TMPRSS7: variants seen among roughly 807,000 people sequenced by gnomAD.
TMPRSS7 encodes transmembrane serine protease 7.
A neutral mutation model predicts 95.6 loss-of-function variants in TMPRSS7; 81 were observed. That is an observed-to-expected ratio of 0.85 (90% CI 0.71 to 1.02). The LOEUF (loss-of-function observed/expected upper bound fraction) is 1.02. Ranked by LOEUF, TMPRSS7 falls within the 50% of genes least tolerant of loss-of-function variation. The pLI, the probability that TMPRSS7 is intolerant of heterozygous loss-of-function variation, is 0.00. For missense variants in TMPRSS7, 945 were observed against 955.2 expected, an observed-to-expected ratio of 0.99 and a Z score of 0.14; for synonymous variants, 364 against 337.8, an observed-to-expected ratio of 1.08 and a Z score of -0.85.
intron 15 of TMPRSS7, among the ~76,000 whole-genome samples, chr3:112,076,628 C>T (rs6765246): frequency 0.03 from 4,549 of 152,226 alleles, 188 homozygotes; most frequent in African/African-American, 0.088. Flanking sequence ...GCTTAGGACA[C>T]TGTTGAGTGA....
intron 13 of TMPRSS7, 123 bp from the exon 14 acceptor site, chr3:112,074,173 C>T (rs1006734796): frequency 3.1e-6 from 2 of 653,508 alleles, no homozygotes; most frequent in African/African-American, 3.7e-5. Flanking sequence ...TATCCCAGAG[C>T]AGCAAATACC....
chr3:112,066,717 A>G (rs192947612), intron 13 of TMPRSS7, among the ~76,000 whole-genome samples: 40 of 152,058 alleles, frequency 2.6e-4, no homozygotes, highest in Non-Finnish European at 1.5e-5. Context: ...ATGGAGTGGA[A>G]TGTGTGTATG....
chr3:112,063,445 C>A, intron 11 of TMPRSS7, 80 bp from the exon 12 acceptor site: 1 of 1,089,760 alleles, frequency 9.2e-7, no homozygotes, highest in Non-Finnish European at 1.4e-6. Flanking sequence ...CCACTTCACA[C>A]TTTAAATTTG....
chr3:112,054,729 C>CTTTTTTTTTTTTTTTTTTTTTTTT lies in TMPRSS7; in HGVS notation c.1204-2290_1204-2267dup, dbSNP rs1161735611. The stretch of plus-strand genomic sequence containing the variant: ...AACATATTTACTATCTCTCAGTTTG[C>CTTTTTTTTTTTTTTTTTTTTTTTT]TTTTTTTTTTTTTTTTTTTTTTTTT... On this transcript the variant is annotated intron_variant, in intron 9 of 17. Coordinates refer to ENST00000452346, the Ensembl canonical transcript of TMPRSS7. Among the ~76,000 whole-genome samples the CTTTTTTTTTTTTTTTTTTTTTTTT allele has an allele frequency of 7.8e-4, 38 of 49,024 alleles. 15 individuals carry two copies. The highest frequency in any genetic ancestry group is 1.2e-3 in the African/African-American group (15 of 13,018). 32.2% of individuals were successfully genotyped at this position (49,024 alleles called of 152,430 possible).
intron 7 of TMPRSS7, among the ~76,000 whole-genome samples, chr3:112,048,546 G>A (rs2073307907): frequency 6.6e-6 from 1 of 151,654 alleles, no homozygotes; most frequent in Non-Finnish European, 1.5e-5. Flanking sequence ...TTTATTTATG[G>A]GTGCTTAATA....
chr3:112,039,365 T>C (rs962847696), intron 2 of TMPRSS7, among the ~76,000 whole-genome samples: 3 of 152,256 alleles, frequency 2.0e-5, no homozygotes, highest in African/African-American at 4.8e-5. Flanking sequence ...TTTTGGTTTA[T>C]ATACATACAT....
intron 9 of TMPRSS7, among the ~76,000 whole-genome samples, chr3:112,055,430 T>C (rs1281677746): frequency 7.1e-6 from 1 of 140,694 alleles, no homozygotes; most frequent in Non-Finnish European, 1.6e-5. Context: ...AAATGCACAT[T>C]GGAAACAAGC....
At chr3:112,047,560 G>A (rs2073295115) in intron 6 of TMPRSS7, 179 bp from the exon 7 acceptor site, 1 of 666,794 alleles carries the variant, frequency 1.5e-6, no homozygotes, top group South Asian at 1.6e-5. Flanking sequence ...ACAGAGTGTG[G>A]ATAGTTTCTA....
exon 17 of TMPRSS7, chr3:112,078,861 A>G: frequency 1.2e-6 from 2 of 1,613,980 alleles, no homozygotes; most frequent in Non-Finnish European, 1.7e-6. Flanking sequence ...AATGTCAGGC[A>G]AGAGAGATGC....
upstream of TMPRSS7, chr3:112,034,813 AC>A: frequency 1.4e-6 from 1 of 702,114 alleles, no homozygotes; most frequent in Non-Finnish European, 2.6e-6. Flanking sequence ...GCTTTGAGAC[AC>A]CCCTGGATGA....
At chr3:112,041,176 AGGT>A (rs917900680) in intron 2 of TMPRSS7, among the ~76,000 whole-genome samples, 5 of 152,156 alleles carry the variant, frequency 3.3e-5, no homozygotes, top group Non-Finnish European at 7.3e-5. Flanking sequence ...CCTAGAGGCA[AGGT>A]GATCAGTCCA....
At chr3:112,075,358 C>A in exon 15 of TMPRSS7, 1 of 1,475,326 alleles carries the variant, frequency 6.8e-7, no homozygotes, top group Non-Finnish European at 9.0e-7. Context: ...ACCGCATCAT[C>A]GGAGGCACAG....
chr3:112,037,927 A>T, intron 1 of TMPRSS7, 145 bp from the exon 2 acceptor site: 1 of 599,442 alleles, frequency 1.7e-6, no homozygotes, highest in Admixed American at 2.9e-5. Flanking sequence ...ATACTTATGT[A>T]AATAATTTGA....
intron 10 of TMPRSS7, among the ~76,000 whole-genome samples, chr3:112,057,354 T>C (rs907626758): frequency 2.6e-5 from 4 of 152,244 alleles, no homozygotes; most frequent in African/African-American, 9.6e-5. Flanking sequence ...TCTCTGCTGC[T>C]GGGCTACAGA....
chr3:112,066,469 G>A lies in TMPRSS7; in HGVS notation c.1633G>A (p.Glu545Lys), dbSNP rs747464409. 8 of 1,614,006 alleles carry A rather than the reference G, an allele frequency of 5.0e-6. No homozygotes were observed. The South Asian group carries it at 7.7e-5, about 16-fold the overall frequency. The change falls in exon 13 of 18, where the codon GAG becomes AAG. Residue 545 changes from glutamate to lysine, a missense_variant. Coordinates refer to ENST00000452346, the Ensembl canonical transcript of TMPRSS7. ...CATCTGTGATGGCTTCAGGGACTGT[G>A]AGAATGGCCGGGATGAGCAAAACTG...
chr3:112,075,568 A>G lies in TMPRSS7; in HGVS notation c.1955+76A>G, dbSNP rs1306472983. The G allele has an allele frequency of 8.1e-6, 10 of 1,241,054 alleles. No homozygotes were observed. In the East Asian group the frequency reaches 2.8e-4, roughly 35 times the overall value. The allele number at this position is 1,241,054 out of a possible 1,614,324, so 76.9% of individuals were successfully genotyped here. A position where few individuals can be genotyped will look rare whatever the true frequency, so the allele number is the denominator to read the frequency against. On this transcript the variant is annotated intron_variant, in intron 15 of 17. Transcript: ENST00000452346. ...ATATATCTGCCCTCAAATTGTGGGAAGCAGATCCCTGTTGGGGACATTCAA... is the reference window on the plus strand; with the variant it reads ...ATATATCTGCCCTCAAATTGTGGGAGGCAGATCCCTGTTGGGGACATTCAA...
At chr3:112,042,179 G>C (rs373089460) in intron 3 of TMPRSS7, 129 bp downstream of exon 3, 1 of 630,576 alleles carries the variant, frequency 1.6e-6, no homozygotes, top group Non-Finnish European at 2.7e-6. Flanking sequence ...GGTAGACAAA[G>C]GAAGGTGTCA....
intron 17 of TMPRSS7, among the ~76,000 whole-genome samples, chr3:112,080,326 T>A (rs115904872): frequency 6.6e-6 from 1 of 152,150 alleles, no homozygotes; most frequent in Non-Finnish European, 1.5e-5. Flanking sequence ...GACCAGCAGT[T>A]GTTAGGGTTT....
intron 2 of TMPRSS7, among the ~76,000 whole-genome samples, chr3:112,040,949 A>C (rs141760894): frequency 6.6e-6 from 1 of 152,214 alleles, no homozygotes; most frequent in East Asian, 1.9e-4. Context: ...AGTCTGATTG[A>C]ATGCTAAATT....
Sources: allele counts gnomAD v4.1 joint callset (sites outside exome capture counted in the v4.1 genomes callset), GRCh38; gene constraint gnomAD v4.1.1; transcripts MANE v1.5; gene names NCBI Gene and HGNC (gene_info 2026-07-23, HGNC 2026-07-21).